The following DOCK11 variants were observed in gnomAD, a reference collection of about 807,000 sequenced individuals.
DOCK11 encodes the protein dedicator of cytokinesis protein 11.
In DOCK11, 70 loss-of-function variants were observed where a neutral mutation model predicts 169.1. That is an observed-to-expected ratio of 0.41 (90% CI 0.34 to 0.51). The LOEUF (loss-of-function observed/expected upper bound fraction) is 0.51, where lower values mean the gene tolerates loss of function less well. Among genes scored for constraint, DOCK11 ranks in the 20% least tolerant of loss-of-function variants. The pLI, the probability that DOCK11 is intolerant of heterozygous loss-of-function variation, is 0.10. For missense variants in DOCK11, 1,166 were observed against 1,538.8 expected, an observed-to-expected ratio of 0.76 and a Z score of 4.05; for synonymous variants, 529 against 541.3, an observed-to-expected ratio of 0.98 and a Z score of 0.32.
chrX:118,526,587 C>T (rs1030563565), intron 1 of DOCK11, among the ~76,000 whole-genome samples: 1 of 112,161 alleles, frequency 8.9e-6, no homozygotes, highest in East Asian at 2.8e-4. Flanking sequence ...ACAGTAGTGC[C>T]AGTACATTCC....
At chrX:118,645,546 T>C (rs188684287) in intron 40 of DOCK11, among the ~76,000 whole-genome samples, 1 of 108,146 alleles carries the variant, frequency 9.2e-6, no homozygotes, top group Non-Finnish European at 1.9e-5. Flanking sequence ...ATACAAAAAT[T>C]AGCCGGGCGT....
chrX:118,545,589 A>G (rs1020969866), intron 5 of DOCK11, among the ~76,000 whole-genome samples, 197 bp downstream of exon 5: 4 of 111,197 alleles, frequency 3.6e-5, no homozygotes, highest in Non-Finnish European at 7.5e-5. Context: ...TTTAGGAAAA[A>G]AAATCAAGTG....
At chrX:118,641,146 C>T in intron 38 of DOCK11, 44 bp from the exon 39 acceptor site, 1 of 964,091 alleles carries the variant, frequency 1.0e-6, no homozygotes, top group Non-Finnish European at 1.5e-6. Context: ...CCATTATGTG[C>T]ATCTTCGTGT....
chrX:118,512,993 C>G lies in DOCK11; in HGVS notation c.102+16920C>G, dbSNP rs990137981. On this transcript the variant is annotated intron_variant, in intron 1 of 52. Coordinates refer to ENST00000276202, the MANE Select transcript of DOCK11 (RefSeq NM_144658.4). ...CTACTATTCCCTAACTGCTTTCCCC[C>G]CATTCTGATTTTCCTCAACTGCTGC... Among the ~76,000 whole-genome samples the G allele has an allele frequency of 3.6e-5, 4 of 111,734 alleles. No homozygotes were observed. The Admixed American group carries it at 3.8e-4, about 11-fold the overall frequency.
At position 118,498,041 on chromosome X, in the gene DOCK11, G is replaced by A. The variant is rs1447439311; in HGVS notation, c.102+1968G>A. On this transcript the variant is annotated intron_variant, in intron 1 of 52. Transcript: ENST00000276202. The stretch of plus-strand genomic sequence containing the variant: ...TCTTTTCTAGGAGACGCTGGCAGTG[G>A]CCATGGTTCCCTTGTCAGCCCAGCT... Among the ~76,000 whole-genome samples, 17 of 112,440 alleles carry A rather than the reference G, an allele frequency of 1.5e-4. No homozygotes were observed. The Admixed American group carries it at 1.6e-3, about 11-fold the overall frequency.
intron 48 of DOCK11, among the ~76,000 whole-genome samples, chrX:118,678,976 G>A (rs1048045407): frequency 1.8e-5 from 2 of 110,783 alleles, no homozygotes; most frequent in Non-Finnish European, 3.8e-5. Context: ...TGTGTGTGTG[G>A]AGACGGGGTC....
In DOCK11 at chrX:118,532,114, T is replaced by TA. The variant is rs370016074; in HGVS notation, c.103-10598dup. 6.8e-3 allele frequency among the ~76,000 whole-genome samples: 620 copies of TA among 91,570 alleles called. 4 individuals are homozygous for TA. The highest frequency in any genetic ancestry group is 0.019 in the African/African-American group (489 of 25,230). The allele number at this position is 91,570 out of a possible 115,157, so 79.5% of individuals were successfully genotyped here. Reference sequence around the variant, plus strand: ...TTTTGTTTCAGAGGAGGATGTGTAATAAAAAAAAAAAAAGCTGAACACCCA... The same window carrying TA: ...TTTTGTTTCAGAGGAGGATGTGTAATAAAAAAAAAAAAAAGCTGAACACCCA... On this transcript the variant is annotated intron_variant, in intron 1 of 52. Transcript: ENST00000276202.
chrX:118,649,436 C>T (rs1739364458), intron 41 of DOCK11, among the ~76,000 whole-genome samples: 1 of 112,348 alleles, frequency 8.9e-6, no homozygotes, highest in Non-Finnish European at 1.9e-5. Flanking sequence ...TTGATAATTA[C>T]GTATGTGGCA....
intron 51 of DOCK11, 43 bp downstream of exon 51, chrX:118,681,837 C>T: frequency 9.8e-7 from 1 of 1,015,343 alleles, no homozygotes; most frequent in African/African-American, 1.9e-5. Context: ...TGTTCGTTTT[C>T]TCTATTTTCT....
chrX:118,507,778 AC>A, intron 1 of DOCK11, among the ~76,000 whole-genome samples: 1 of 111,581 alleles, frequency 9.0e-6, no homozygotes, highest in Non-Finnish European at 1.9e-5. Context: ...CATAGTCATC[AC>A]CCCTCTTCTG....
At chrX:118,633,479 A>C (rs1236744876) in intron 35 of DOCK11, 1 of 111,965 alleles carries the variant, frequency 8.9e-6, no homozygotes, top group African/African-American at 3.3e-5. Flanking sequence ...GTCTTCATGA[A>C]GATTGAAAAA....
chrX:118,572,668 A>G (rs1323209018), intron 11 of DOCK11, among the ~76,000 whole-genome samples: 1 of 112,295 alleles, frequency 8.9e-6, no homozygotes, highest in Non-Finnish European at 1.9e-5. Context: ...ACATCTTTGT[A>G]TGACTGAGAA....
intron 6 of DOCK11, among the ~76,000 whole-genome samples, chrX:118,554,103 A>T (rs868688919): frequency 1.8e-5 from 2 of 111,810 alleles, no homozygotes; most frequent in Non-Finnish European, 3.8e-5. Flanking sequence ...CCTGGGCTGA[A>T]GCGATCCTCT....
chrX:118,615,186 A>G (rs2014778654), intron 29 of DOCK11, among the ~76,000 whole-genome samples: 1 of 111,997 alleles, frequency 8.9e-6, no homozygotes, highest in South Asian at 3.7e-4. Context: ...AGTGTGCAAT[A>G]TTTCTGTTCA....
intron 46 of DOCK11, among the ~76,000 whole-genome samples, chrX:118,675,495 C>T (rs2016586562): frequency 9.1e-6 from 1 of 109,668 alleles, no homozygotes; most frequent in Admixed American, 9.8e-5. Context: ...AAACCACATA[C>T]CGCGTGTTCT....
intron 14 of DOCK11, among the ~76,000 whole-genome samples, chrX:118,581,942 C>G (rs866721482): frequency 9.3e-6 from 1 of 108,086 alleles, no homozygotes; most frequent in African/African-American, 3.4e-5. Context: ...CCAGCCTGGC[C>G]AACATGGTGA....
At chrX:118,547,015 T>A (rs2012310318) in intron 6 of DOCK11, among the ~76,000 whole-genome samples, 1 of 110,735 alleles carries the variant, frequency 9.0e-6, no homozygotes, top group Non-Finnish European at 1.9e-5. Context: ...ATTTTTTTTT[T>A]TTTTACAAAA....
intron 12 of DOCK11, among the ~76,000 whole-genome samples, chrX:118,577,216 A>G (rs1276550176): frequency 8.9e-6 from 1 of 112,312 alleles, no homozygotes. Context: ...CTCAAGGTGC[A>G]CTGCTCAGCA....
At chrX:118,624,726 G>T in intron 32 of DOCK11, 71 bp downstream of exon 32, 2 of 586,373 alleles carry the variant, frequency 3.4e-6, no homozygotes, top group Non-Finnish European at 5.4e-6. Context: ...GGGGTCATAT[G>T]CTATATGATC....
Sources: allele counts gnomAD v4.1 joint callset (sites outside exome capture counted in the v4.1 genomes callset), GRCh38; gene constraint gnomAD v4.1.1; transcripts MANE v1.5; gene names NCBI Gene and HGNC (gene_info 2026-07-23, HGNC 2026-07-21).